SLC4A5: variants seen among roughly 807,000 people sequenced by gnomAD.
The protein encoded by SLC4A5 is electrogenic sodium bicarbonate cotransporter 4.
In SLC4A5, 96 loss-of-function variants were observed where a neutral mutation model predicts 120.4. That is an observed-to-expected ratio of 0.80 (90% CI 0.68 to 0.94). The LOEUF is 0.94. SLC4A5 is among the 40% of genes least tolerant of loss of function. SLC4A5 has a pLI of 0.00. For synonymous variants in SLC4A5, 550 were observed against 571.1 expected (o/e 0.96, Z 0.53); for missense variants, 1,259 against 1,459.5 (o/e 0.86, Z 2.24).
chr2:74,339,937 C>A (rs905104657), intron 2 of SLC4A5, among the ~76,000 whole-genome samples: 1 of 152,194 alleles, frequency 6.6e-6, no homozygotes, highest in African/African-American at 2.4e-5. Context: ...AAGCCAGACA[C>A]AAAACGACAA....
At chr2:74,260,645 C>T (rs2104027413) in intron 11 of SLC4A5, among the ~76,000 whole-genome samples, 1 of 152,184 alleles carries the variant, frequency 6.6e-6, no homozygotes, top group African/African-American at 2.4e-5. Flanking sequence ...GCCTTGGGCC[C>T]TCCCTCTTCC....
chr2:74,269,372 TTTG>T (rs150732045), intron 8 of SLC4A5, among the ~76,000 whole-genome samples: 12,118 of 148,960 alleles, frequency 0.081, 1,031 homozygotes, highest in East Asian at 0.39. Context: ...GGCCCGGCTG[TTTG>T]TTTTTTGTTT....
At chr2:74,234,418 C>T (rs547760840) in intron 22 of SLC4A5, among the ~76,000 whole-genome samples, 3 of 152,174 alleles carry the variant, frequency 2.0e-5, no homozygotes, top group Non-Finnish European at 2.9e-5. Context: ...ACCTCATGAT[C>T]CGCCCACCTC....
intron 8 of SLC4A5, among the ~76,000 whole-genome samples, chr2:74,277,987 C>A (rs2104123686): frequency 6.6e-6 from 1 of 152,080 alleles, no homozygotes; most frequent in South Asian, 2.1e-4. Context: ...TTTGATGAAG[C>A]TGGGTGATGG....
intron 19 of SLC4A5, 64 bp from the exon 20 acceptor site, chr2:74,242,116 A>G (rs1573017501): frequency 2.8e-6 from 4 of 1,449,406 alleles, no homozygotes; most frequent in Admixed American, 1.8e-5. Flanking sequence ...TGCATTCCCA[A>G]CCCCTTCCCA....
intron 4 of SLC4A5, among the ~76,000 whole-genome samples, chr2:74,330,317 T>C (rs552476617): frequency 3.0e-4 from 45 of 149,102 alleles, no homozygotes; most frequent in African/African-American, 1.1e-3. Flanking sequence ...GAGGTATAGG[T>C]GAGGGTGGTG....
rs761865301 is a variant in SLC4A5, at chr2:74,224,922, T to C, written c.3164A>G (p.Asn1055Ser). Residue 1055 changes from asparagine to serine, a missense_variant, in exon 28 of 31, where the codon AAC becomes AGC. Coordinates refer to ENST00000394019, the Ensembl canonical transcript of SLC4A5. Reference sequence around the variant, plus strand: ...CTTTTTTTCCTTCTCTGGGAGGATGTTGTCAATCCAGGCCAGGTCGTGCTG... The same window carrying C: ...CTTTTTTTCCTTCTCTGGGAGGATGCTGTCAATCCAGGCCAGGTCGTGCTG... 4.3e-6 allele frequency: 7 copies of C among 1,613,992 alleles called. No homozygotes were observed. In the East Asian group the frequency reaches 8.9e-5, roughly 21 times the overall value.
At chr2:74,235,708 T>A (rs930539135) in intron 21 of SLC4A5, among the ~76,000 whole-genome samples, 12 of 152,140 alleles carry the variant, frequency 7.9e-5, no homozygotes, top group Non-Finnish European at 1.8e-4. Context: ...CCACTGGGGA[T>A]CATTGGCTAC....
intron 8 of SLC4A5, among the ~76,000 whole-genome samples, chr2:74,276,538 AG>A (rs1273431857): frequency 2.2e-4 from 33 of 152,268 alleles, no homozygotes; most frequent in African/African-American, 7.9e-4. Context: ...CTCCTTCAAG[AG>A]GAAGATGAGT....
At chr2:74,307,543 G>T in intron 6 of SLC4A5, 1 of 631,948 alleles carries the variant, frequency 1.6e-6, no homozygotes, top group Non-Finnish European at 3.0e-6. Context: ...GCAGCAAGAT[G>T]GGCACTGTCG....
chr2:74,255,938 C>T lies in SLC4A5; in HGVS notation c.868-6G>A, dbSNP rs1558881072. The T allele has an allele frequency of 5.6e-6, 9 of 1,612,968 alleles. No individual in the cohort carries two copies. Among genetic ancestry groups the T allele is most frequent in the East Asian group, 2.2e-5 (1 of 44,842 alleles). ...TTCATGAATTTGTTTTTCCGCTGGA[C>T]AGGGAGGGGAAACGAGATAGCCAAG... On this transcript the variant is annotated splice_polypyrimidine_tract_variant and splice_region_variant and intron_variant, in intron 12 of 30. Coordinates refer to ENST00000394019, the Ensembl canonical transcript of SLC4A5. The surrounding 1 kb of genome is among the most constrained non-coding windows in gnomAD (Gnocchi z 4.0).
At chr2:74,318,906 T>A (rs1573099683) in intron 5 of SLC4A5, among the ~76,000 whole-genome samples, 1 of 152,158 alleles carries the variant, frequency 6.6e-6, no homozygotes, top group Non-Finnish European at 1.5e-5. Flanking sequence ...AGCACTTGTA[T>A]GTTTATTGCA....
intron 3 of SLC4A5, among the ~76,000 whole-genome samples, chr2:74,337,886 A>C (rs1051072354): frequency 7.2e-5 from 11 of 152,214 alleles, no homozygotes; most frequent in Non-Finnish European, 1.2e-4. Context: ...TAAGATCTTT[A>C]AATGAGAGTG....
intron 22 of SLC4A5, among the ~76,000 whole-genome samples, chr2:74,234,082 CA>C (rs542639587): frequency 1.3e-5 from 2 of 150,204 alleles, no homozygotes; most frequent in Non-Finnish European, 3.0e-5. Context: ...CAAACAACAA[CA>C]AAAAAAACCT....
At chr2:74,272,854 A>G (rs1671519339) in intron 8 of SLC4A5, among the ~76,000 whole-genome samples, 1 of 152,234 alleles carries the variant, frequency 6.6e-6, no homozygotes, top group African/African-American at 2.4e-5. Context: ...AAGGCTTCCA[A>G]TGCTCAAACC....
At chr2:74,334,596 C>T (rs1278973352) in intron 3 of SLC4A5, among the ~76,000 whole-genome samples, 1 of 152,138 alleles carries the variant, frequency 6.6e-6, no homozygotes, top group Non-Finnish European at 1.5e-5. Context: ...CATTTGTTCA[C>T]TTTTTGTCTG....
At chr2:74,241,046 G>A (rs1305359968) in intron 20 of SLC4A5, among the ~76,000 whole-genome samples, 2 of 152,100 alleles carry the variant, frequency 1.3e-5, no homozygotes, top group African/African-American at 4.8e-5. Context: ...AGACTAAGGT[G>A]TGCAAAGGAC....
At chr2:74,257,538 CAATG>C (rs1023035830) in intron 12 of SLC4A5, among the ~76,000 whole-genome samples, 4 of 152,064 alleles carry the variant, frequency 2.6e-5, no homozygotes, top group Non-Finnish European at 5.9e-5. Flanking sequence ...TCGGAAGCAG[CAATG>C]CTTCAGGGTG....
At chr2:74,290,994 C>T (rs1672149544) in intron 7 of SLC4A5, among the ~76,000 whole-genome samples, 1 of 152,118 alleles carries the variant, frequency 6.6e-6, no homozygotes, top group Non-Finnish European at 1.5e-5. Flanking sequence ...TAGCAGGGCC[C>T]TTCCTCTCCA....
Sources: allele counts gnomAD v4.1 joint callset (sites outside exome capture counted in the v4.1 genomes callset), GRCh38; gene constraint gnomAD v4.1.1; non-coding constraint Gnocchi (gnomAD v3.1); transcripts MANE v1.5; gene names NCBI Gene and HGNC (gene_info 2026-07-23, HGNC 2026-07-21).